B3GALT1: variants seen among roughly 807,000 people sequenced by gnomAD.
B3GALT1 encodes beta-1,3-galactosyltransferase 1.
B3GALT1 carries 10 observed loss-of-function variants against 23.2 expected under a neutral mutation model. That is an observed-to-expected ratio of 0.43 (90% CI 0.27 to 0.73). The LOEUF (loss-of-function observed/expected upper bound fraction) is 0.73, where lower values mean the gene tolerates loss of function less well. Ranked by LOEUF, B3GALT1 falls within the 30% of genes least tolerant of loss-of-function variation. B3GALT1 has a pLI of 0.21. For missense variants in B3GALT1, 299 were observed against 405.4 expected (o/e 0.74, Z 2.25); for synonymous variants, 156 against 141.5 (o/e 1.10, Z -0.73).
At chr2:167,835,198 C>T (rs972529448) in intron 4 of B3GALT1, among the ~76,000 whole-genome samples, 9 of 152,168 alleles carry the variant, frequency 5.9e-5, no homozygotes, top group African/African-American at 2.2e-4. Context: ...GTGGGTGCAG[C>T]ACACCATGCG....
intron 4 of B3GALT1, among the ~76,000 whole-genome samples, chr2:167,821,991 A>G (rs765344724): frequency 1.3e-5 from 2 of 152,220 alleles, no homozygotes; most frequent in Non-Finnish European, 2.9e-5. Context: ...GCTTAGTGCT[A>G]GGTGCTTTCA....
At chr2:167,750,280 A>G (rs893912147) in intron 3 of B3GALT1, among the ~76,000 whole-genome samples, 1 of 152,212 alleles carries the variant, frequency 6.6e-6, no homozygotes, top group Non-Finnish European at 1.5e-5. Context: ...TTCCAATCCA[A>G]TAAAGTGAAA....
At chr2:167,659,949 A>T (rs1167379700) in intron 3 of B3GALT1, among the ~76,000 whole-genome samples, 1 of 152,178 alleles carries the variant, frequency 6.6e-6, no homozygotes, top group South Asian at 2.1e-4. Flanking sequence ...ATTCAATTCA[A>T]ATTTTTATCC....
chr2:167,671,741 G>C (rs1198679788), intron 3 of B3GALT1, among the ~76,000 whole-genome samples: 1 of 151,828 alleles, frequency 6.6e-6, no homozygotes, highest in Non-Finnish European at 1.5e-5. Context: ...GGGAAAAAAA[G>C]AATAGACTTA....
rs1348260977 is a variant in B3GALT1 at position 167,293,054 on chromosome 2, G to GGCTGCTCGGCTGCCGCCGCA, written c.-780_-779insGCCGCCGCAGCTGCTCGGCT. On this transcript the variant is annotated 5_prime_UTR_variant, in exon 1 of 5. Coordinates refer to ENST00000392690, the MANE Select transcript of B3GALT1 (RefSeq NM_020981.4). Reference sequence around the variant, plus strand: ...GCTCGGGTGCTTCGGCTGCCGCCGCGGCTGCTCGGCTAGTGCAGCTGGGCG... The same window carrying GGCTGCTCGGCTGCCGCCGCA: ...GCTCGGGTGCTTCGGCTGCCGCCGCGGCTGCTCGGCTGCCGCCGCAGCTGCTCGGCTAGTGCAGCTGGGCG... 1 of 151,568 alleles carries GGCTGCTCGGCTGCCGCCGCA rather than the reference G, an allele frequency of 6.6e-6. No homozygotes were observed. The highest frequency in any genetic ancestry group is 2.4e-5 in the African/African-American group (1 of 41,394). 9.4% of individuals were successfully genotyped at this position (151,568 alleles called of 1,614,324 possible). A position where few individuals can be genotyped will look rare whatever the true frequency, so the allele number is the denominator to read the frequency against.
intron 3 of B3GALT1, among the ~76,000 whole-genome samples, chr2:167,760,727 G>A: frequency 6.6e-6 from 1 of 152,174 alleles, no homozygotes; most frequent in East Asian, 1.9e-4. Flanking sequence ...AAGAATAGCA[G>A]TTGGCCCTTG....
At chr2:167,738,520 A>G (rs1687526279) in intron 3 of B3GALT1, among the ~76,000 whole-genome samples, 1 of 152,232 alleles carries the variant, frequency 6.6e-6, no homozygotes, top group East Asian at 1.9e-4. Context: ...AGACAAGCAC[A>G]AACAGTTGTT....
chr2:167,812,928 T>A (rs543018217), intron 3 of B3GALT1, among the ~76,000 whole-genome samples: 1 of 151,232 alleles, frequency 6.6e-6, no homozygotes, highest in South Asian at 2.1e-4. Flanking sequence ...AAGAGAAAAA[T>A]GCATTTAATC....
chr2:167,359,521 A>C (rs1360814289), intron 1 of B3GALT1, among the ~76,000 whole-genome samples: 2 of 152,206 alleles, frequency 1.3e-5, no homozygotes, highest in Admixed American at 1.3e-4. Context: ...AGGTGATTCT[A>C]ATACAGGATA....
intron 2 of B3GALT1, among the ~76,000 whole-genome samples, chr2:167,580,632 C>T (rs1236584206): frequency 1.3e-5 from 2 of 152,056 alleles, no homozygotes; most frequent in Non-Finnish European, 2.9e-5. Context: ...GTTAAAATAT[C>T]AATAAGCTTT....
At chr2:167,706,549 T>C (rs1457539766) in intron 3 of B3GALT1, among the ~76,000 whole-genome samples, 2 of 152,174 alleles carry the variant, frequency 1.3e-5, no homozygotes, top group Non-Finnish European at 2.9e-5. Context: ...CACTCCTCAA[T>C]GGTGATAGTG....
At chr2:167,424,324 C>T (rs1326316783) in intron 1 of B3GALT1, among the ~76,000 whole-genome samples, 1 of 152,024 alleles carries the variant, frequency 6.6e-6, no homozygotes, top group Non-Finnish European at 1.5e-5. Context: ...GCCAGAAGAC[C>T]TGGTTGTTAT....
intron 4 of B3GALT1, among the ~76,000 whole-genome samples, chr2:167,839,886 CT>C: frequency 6.6e-6 from 1 of 152,138 alleles, no homozygotes. Flanking sequence ...ATATCTGCAA[CT>C]ATCTGATCTT....
intron 2 of B3GALT1, among the ~76,000 whole-genome samples, chr2:167,644,972 T>A (rs1574187393): frequency 6.6e-6 from 1 of 152,092 alleles, no homozygotes; most frequent in Non-Finnish European, 1.5e-5. Context: ...GAATATTTAC[T>A]GGAAAAAGTC....
chr2:167,579,840 C>G (rs934043177), intron 2 of B3GALT1, among the ~76,000 whole-genome samples: 9 of 152,048 alleles, frequency 5.9e-5, no homozygotes, highest in Non-Finnish European at 1.0e-4. Flanking sequence ...AGTCCCTCAC[C>G]TTTACACAGT....
intron 2 of B3GALT1, among the ~76,000 whole-genome samples, chr2:167,510,883 C>T (rs1699994608): frequency 6.6e-6 from 1 of 151,960 alleles, no homozygotes; most frequent in African/African-American, 2.4e-5. Flanking sequence ...ATATGGGAAT[C>T]ATTAGCATAT....
At chr2:167,309,051 G>A (rs1696594187) in intron 1 of B3GALT1, among the ~76,000 whole-genome samples, 1 of 151,974 alleles carries the variant, frequency 6.6e-6, no homozygotes, top group African/African-American at 2.4e-5. Context: ...GGTGCCATGA[G>A]TCTCAAACGA....
rs373987827 is a variant in B3GALT1, at chr2:167,692,898, T to A, written c.-352+45932T>A. On this transcript the variant is annotated intron_variant, in intron 3 of 4. Coordinates refer to ENST00000392690, the MANE Select transcript of B3GALT1 (RefSeq NM_020981.4). Reference sequence around the variant, plus strand: ...ATAATCTGGGAGAAAACTGATGAGATGGGCTCTTCTTTCAAGTTCCCCAGA... The same window carrying A: ...ATAATCTGGGAGAAAACTGATGAGAAGGGCTCTTCTTTCAAGTTCCCCAGA... Among the ~76,000 whole-genome samples, 24 of 152,232 alleles carry A rather than the reference T, an allele frequency of 1.6e-4. No individual in the cohort carries two copies. In the East Asian group the frequency reaches 4.4e-3, roughly 28 times the overall value.
chr2:167,658,989 G>A (rs939888486), intron 3 of B3GALT1, among the ~76,000 whole-genome samples: 3 of 152,094 alleles, frequency 2.0e-5, no homozygotes, highest in South Asian at 2.1e-4. Context: ...TTTTTGTCTC[G>A]AGTTTTGTAA....
Sources: allele counts gnomAD v4.1 joint callset (sites outside exome capture counted in the v4.1 genomes callset), GRCh38; gene constraint gnomAD v4.1.1; transcripts MANE v1.5; gene names NCBI Gene and HGNC (gene_info 2026-07-23, HGNC 2026-07-21).